Variants in TRAPPC11 observed in about 807,000 individuals in gnomAD.
The protein encoded by TRAPPC11 is foie gras homolog.
A neutral mutation model predicts 151.2 loss-of-function variants in TRAPPC11; 104 were observed. That is an observed-to-expected ratio of 0.69 (90% CI 0.59 to 0.81). The LOEUF is 0.81. Ranked by LOEUF, TRAPPC11 falls within the 30% of genes least tolerant of loss-of-function variation. The pLI, the probability that TRAPPC11 is intolerant of heterozygous loss-of-function variation, is 0.00. For synonymous variants in TRAPPC11, 456 were observed against 472.3 expected, an observed-to-expected ratio of 0.97 and a Z score of 0.45; for missense variants, 1,230 against 1,349.6, an observed-to-expected ratio of 0.91 and a Z score of 1.39.
intron 24 of TRAPPC11, 46 bp downstream of exon 24, chr4:183,697,614 TG>T (rs1736602948): frequency 1.2e-6 from 2 of 1,605,270 alleles, no homozygotes; most frequent in Admixed American, 3.5e-5. Context: ...GTTATAAAAA[TG>T]GACTGAAATG....
intron 10 of TRAPPC11, 132 bp from the exon 11 acceptor site, chr4:183,682,600 C>A (rs970641451): frequency 1.1e-5 from 5 of 437,554 alleles, no homozygotes; most frequent in Non-Finnish European, 2.0e-5. Context: ...AAAATATTCA[C>A]AAATTTGATA....
At chr4:183,694,804 A>AG in intron 23 of TRAPPC11, 81 bp downstream of exon 23, 1 of 1,046,038 alleles carries the variant, frequency 9.6e-7, no homozygotes, top group Middle Eastern at 2.5e-4. Flanking sequence ...CTATAAAATA[A>AG]GCATAAAATA....
Position 183,680,165 on chromosome 4 carries a change from G to T in TRAPPC11, c.1011G>T (p.Gly337=). ...TATTTGATGAAGCTATTAAGTTAGG[G>T]TTAACAGCTATTCAAACTCAGAATC... ...GDLFDEAIKL[G]LTAIQTQNPG... Residue 337 remains glycine, a synonymous_variant, in exon 10 of 30, where the codon GGG becomes GGT. Coordinates refer to ENST00000334690, the MANE Select transcript of TRAPPC11 (RefSeq NM_021942.6). 1 of 1,613,864 alleles carries T rather than the reference G, an allele frequency of 6.2e-7. No individual in the cohort carries two copies. Among genetic ancestry groups the T allele is most frequent in the Non-Finnish European group, 8.5e-7 (1 of 1,179,916 alleles).
chr4:183,668,353 A>G (rs944307800), intron 5 of TRAPPC11, among the ~76,000 whole-genome samples: 5 of 152,122 alleles, frequency 3.3e-5, no homozygotes, highest in Non-Finnish European at 7.4e-5. Flanking sequence ...GTCTTTTTGT[A>G]TAAGAACAAA....
At chr4:183,708,624 A>T in intron 29 of TRAPPC11, 50 bp downstream of exon 29, 1 of 1,550,834 alleles carries the variant, frequency 6.4e-7, no homozygotes, top group Non-Finnish European at 8.8e-7. Context: ...TTAAAAACAA[A>T]CAGACTTCTT....
At chr4:183,690,487 G>A (rs1029526121) in intron 18 of TRAPPC11, among the ~76,000 whole-genome samples, 3 of 152,306 alleles carry the variant, frequency 2.0e-5, no homozygotes, top group East Asian at 3.9e-4. Context: ...ACTTTGGGAC[G>A]TGCTGAGTTT....
At chr4:183,692,922 T>G in intron 19 of TRAPPC11, 38 bp from the exon 20 acceptor site, 3 of 1,568,454 alleles carry the variant, frequency 1.9e-6, no homozygotes, top group Non-Finnish European at 1.7e-6. Flanking sequence ...CAAGCACATA[T>G]GAGATGACAT....
At chr4:183,696,683 C>T (rs1186547291) in intron 23 of TRAPPC11, among the ~76,000 whole-genome samples, 1 of 152,174 alleles carries the variant, frequency 6.6e-6, no homozygotes, top group African/African-American at 2.4e-5. Context: ...GTGTGAGCCA[C>T]CATGCCCACC....
chr4:183,684,425 A>G, intron 14 of TRAPPC11, 66 bp downstream of exon 14: 1 of 1,430,918 alleles, frequency 7.0e-7, no homozygotes, highest in Non-Finnish European at 9.8e-7. Context: ...TGAAATAGAA[A>G]TCAGTGTTGA....
At chr4:183,661,011 C>G (rs935153251) in intron 1 of TRAPPC11, among the ~76,000 whole-genome samples, 2 of 152,082 alleles carry the variant, frequency 1.3e-5, no homozygotes, top group Non-Finnish European at 2.9e-5. Flanking sequence ...TGTACCCAGC[C>G]TGGTCACCCC....
chr4:183,679,831 C>T (rs1735587387), intron 9 of TRAPPC11, among the ~76,000 whole-genome samples: 2 of 151,956 alleles, frequency 1.3e-5, no homozygotes, highest in South Asian at 4.2e-4. Flanking sequence ...GAAATTGTTC[C>T]CAGAAACTTG....
At chr4:183,707,332 G>A (rs1737126649) in intron 28 of TRAPPC11, among the ~76,000 whole-genome samples, 1 of 151,828 alleles carries the variant, frequency 6.6e-6, no homozygotes, top group Admixed American at 6.6e-5. Context: ...TTTTCTATCA[G>A]TGAAGTTTCA....
chr4:183,682,807 T>C lies in TRAPPC11; in HGVS notation c.1189T>C (p.Trp397Arg), dbSNP rs1235690310. The C allele has an allele frequency of 6.2e-7, 1 of 1,613,046 alleles. No homozygotes were observed. Among genetic ancestry groups the C allele is most frequent in the Non-Finnish European group, 8.5e-7 (1 of 1,179,070 alleles). Residue 397 changes from tryptophan to arginine, a missense_variant, in exon 11 of 30, where the codon TGG becomes CGG. By Grantham distance (101) the Trp-to-Arg change is moderately radical. Coordinates refer to ENST00000334690, the MANE Select transcript of TRAPPC11 (RefSeq NM_021942.6). ...GVLDFYGQRSWRQGILSFDLS... is the reference protein window; with the variant it reads ...GVLDFYGQRSRRQGILSFDLS... ...TCTTGACTTTTATGGACAAAGATCA[T>C]GGCGACAAGGAATACTAAGTAAATA...
rs1734885226 is a variant in TRAPPC11, at chr4:183,666,400, G to A, written c.348G>A (p.Glu116=). ...CTCAGTGGAAAGAAAAGCAGTCTGA[G>A]TGCGCCACCAGAGTGGAAATAGTCA... ...DEPQWKEKQS[E]CATRVEIVRQ... is the part of the protein sequence containing the mutation. The change falls in exon 3 of 30, where the codon GAG becomes GAA. Residue 116 remains glutamate, a synonymous_variant. Transcript: ENST00000334690. 2 of 1,613,988 alleles carry A rather than the reference G, an allele frequency of 1.2e-6. No individual in the cohort carries two copies. Among genetic ancestry groups the A allele is most frequent in the Non-Finnish European group, 1.7e-6 (2 of 1,179,892 alleles).
rs1368901359 is a variant in TRAPPC11, at chr4:183,694,700, G to GA, written c.2608dup (p.Ile870AsnfsTer9). The stretch of plus-strand genomic sequence containing the variant: ...GATAAATACAACCGTTGAAGAAAAA[G>GA]AAATTGTTTGCAAGTGTCACAAGGT... On this transcript the variant is annotated frameshift_variant, in exon 23 of 30. Transcript: ENST00000334690. LOFTEE classifies it high-confidence loss of function. 1 of 1,608,420 alleles carries GA rather than the reference G, an allele frequency of 6.2e-7. No homozygotes were observed. Among genetic ancestry groups the GA allele is most frequent in the Non-Finnish European group, 8.5e-7 (1 of 1,178,802 alleles).
intron 18 of TRAPPC11, among the ~76,000 whole-genome samples, chr4:183,689,884 A>G (rs1197053165): frequency 6.6e-6 from 1 of 151,966 alleles, no homozygotes; most frequent in Non-Finnish European, 1.5e-5. Context: ...AATTTAGATT[A>G]TATTCTGAAT....
chr4:183,663,755 T>TTTTTG, intron 1 of TRAPPC11, 92 bp from the exon 2 acceptor site: 1 of 473,400 alleles, frequency 2.1e-6, no homozygotes, highest in East Asian at 3.7e-5. Flanking sequence ...TTTTTTTTTT[T>TTTTTG]GAGACAGAGT....
intron 23 of TRAPPC11, among the ~76,000 whole-genome samples, chr4:183,696,033 C>G (rs1221269318): frequency 6.6e-6 from 1 of 152,228 alleles, no homozygotes; most frequent in South Asian, 2.1e-4. Context: ...CCAAAACGTT[C>G]CAAAATCTTT....
intron 2 of TRAPPC11, among the ~76,000 whole-genome samples, chr4:183,665,347 G>GC (rs1200210254): frequency 6.6e-6 from 1 of 151,970 alleles, no homozygotes; most frequent in African/African-American, 2.4e-5. Flanking sequence ...GCCCACCTTG[G>GC]CCTCCCAAAG....
Sources: gnomAD v4.1 joint callset for allele counts (sites outside exome capture counted in the v4.1 genomes callset) on GRCh38, gnomAD v4.1.1 for gene constraint, MANE v1.5 for transcripts, NCBI Gene and HGNC (gene_info 2026-07-23, HGNC 2026-07-21) for gene names.